Variants in SLC16A2 observed in about 807,000 individuals in gnomAD.
SLC16A2 encodes the protein monocarboxylate transporter 8.
Under a neutral mutation model 27.2 loss-of-function variants are expected in SLC16A2, and 3 were observed. The ratio of observed to expected loss-of-function variants is 0.11; its 90% CI spans 0.05 to 0.28. The LOEUF (loss-of-function observed/expected upper bound fraction) is 0.28. Among genes scored for constraint, SLC16A2 ranks in the 10% least tolerant of loss-of-function variants. The pLI is 1.00. For missense variants in SLC16A2, 295 were observed against 458.5 expected, an observed-to-expected ratio of 0.64 and a Z score of 3.26; for synonymous variants, 202 against 187.8, an observed-to-expected ratio of 1.08 and a Z score of -0.62.
chrX:74,439,751 G>A (rs1455392232), intron 1 of SLC16A2, among the ~76,000 whole-genome samples: 1 of 109,676 alleles, frequency 9.1e-6, no homozygotes, highest in African/African-American at 3.3e-5. Flanking sequence ...AGGTCCTGGG[G>A]TCATTAGAGC....
At chrX:74,431,229 G>A (rs1483216902) in intron 1 of SLC16A2, among the ~76,000 whole-genome samples, 1 of 112,579 alleles carries the variant, frequency 8.9e-6, no homozygotes, top group Non-Finnish European at 1.9e-5. Flanking sequence ...GCTCATTGAT[G>A]GTGGATCAGA....
chrX:74,461,232 T>C (rs1042951684), intron 1 of SLC16A2, among the ~76,000 whole-genome samples: 7 of 111,755 alleles, frequency 6.3e-5, no homozygotes, highest in African/African-American at 2.0e-4. Flanking sequence ...TGACAAACAG[T>C]GTCATATTGG....
chrX:74,469,385 A>G (rs746713181), intron 1 of SLC16A2, among the ~76,000 whole-genome samples: 2 of 111,805 alleles, frequency 1.8e-5, no homozygotes, highest in African/African-American at 6.5e-5. Context: ...GATGTTTAAT[A>G]TTTTAAGGAA....
intron 1 of SLC16A2, among the ~76,000 whole-genome samples, chrX:74,515,210 T>G (rs953557920): frequency 4.0e-4 from 44 of 108,921 alleles, no homozygotes; most frequent in African/African-American, 1.5e-3. Context: ...GATATAAAGA[T>G]GAAATAAATG....
At chrX:74,430,668 GGCT>G (rs1928520517) in intron 1 of SLC16A2, among the ~76,000 whole-genome samples, 1 of 112,324 alleles carries the variant, frequency 8.9e-6, no homozygotes, top group South Asian at 3.7e-4. Context: ...GTACTGGTAA[GGCT>G]GTATAGAAAA....
intron 1 of SLC16A2, among the ~76,000 whole-genome samples, chrX:74,478,200 G>A (rs1929528861): frequency 8.9e-6 from 1 of 112,019 alleles, no homozygotes; most frequent in Admixed American, 9.5e-5. Context: ...ATTTAGGATA[G>A]TTAGCTCTTC....
intron 1 of SLC16A2, among the ~76,000 whole-genome samples, chrX:74,482,491 G>A (rs1395949556): frequency 9.0e-6 from 1 of 111,217 alleles, no homozygotes; most frequent in African/African-American, 3.3e-5. Context: ...TCATCATTCT[G>A]TGTCCTCAAT....
intron 1 of SLC16A2, among the ~76,000 whole-genome samples, chrX:74,455,985 A>G (rs992636045): frequency 4.5e-5 from 5 of 112,242 alleles, no homozygotes; most frequent in African/African-American, 1.6e-4. Flanking sequence ...ACTGAAGAGA[A>G]GGAAGAAGCA....
chrX:74,501,548 C>A (rs1307001410), intron 1 of SLC16A2, among the ~76,000 whole-genome samples: 1 of 111,400 alleles, frequency 9.0e-6, no homozygotes, highest in African/African-American at 3.3e-5. Context: ...GCAGGTAGAG[C>A]ATGGAACAAG....
Position 74,525,673 on chromosome X carries a change from C to T in SLC16A2, c.1027-77C>T, listed in dbSNP as rs1930477032. ...CCAGGAAAGTAAGCAGTAGGGGATT[C>T]TGGATATGCCTACAGTTAACCAGTC... On this transcript the variant is annotated intron_variant, in intron 3 of 5. Transcript: ENST00000587091. 2.6e-6 allele frequency: 3 copies of T among 1,135,237 alleles called. No homozygotes were observed. The East Asian group carries it at 9.0e-5, about 34-fold the overall frequency. 93.6% of individuals were successfully genotyped at this position (1,135,237 alleles called of 1,213,427 possible).
intron 1 of SLC16A2, among the ~76,000 whole-genome samples, chrX:74,485,310 A>T (rs1348003835): frequency 3.6e-5 from 4 of 111,130 alleles, no homozygotes; most frequent in Non-Finnish European, 7.5e-5. Flanking sequence ...GTGTTGAGCT[A>T]CAGTAAGCTT....
chrX:74,466,248 G>A (rs1929248218), intron 1 of SLC16A2, among the ~76,000 whole-genome samples: 1 of 111,168 alleles, frequency 9.0e-6, no homozygotes, highest in Non-Finnish European at 1.9e-5. Context: ...AGCTATGAAA[G>A]CCAAACAGCT....
intron 3 of SLC16A2, among the ~76,000 whole-genome samples, chrX:74,525,231 T>TA (rs1159538477): frequency 1.8e-5 from 2 of 111,509 alleles, no homozygotes; most frequent in Admixed American, 1.9e-4. Flanking sequence ...TTAAAGGGAC[T>TA]AAAAAAAATT....
chrX:74,492,750 G>A (rs927301637), intron 1 of SLC16A2, among the ~76,000 whole-genome samples: 4 of 111,129 alleles, frequency 3.6e-5, no homozygotes, highest in African/African-American at 1.3e-4. Context: ...CACCCCCAAC[G>A]TCCAGCTAAG....
At chrX:74,518,072 A>T (rs1315521245) in intron 1 of SLC16A2, among the ~76,000 whole-genome samples, 1 of 112,184 alleles carries the variant, frequency 8.9e-6, no homozygotes, top group Non-Finnish European at 1.9e-5. Flanking sequence ...TGAAAAAAAA[A>T]GCTAGTGTAA....
chrX:74,445,594 A>G (rs1229747736), intron 1 of SLC16A2, among the ~76,000 whole-genome samples: 1 of 103,610 alleles, frequency 9.7e-6, no homozygotes, highest in Non-Finnish European at 2.0e-5. Flanking sequence ...ATAAACCACT[A>G]TATCTCTCCT....
intron 1 of SLC16A2, among the ~76,000 whole-genome samples, chrX:74,476,103 C>T (rs1421266547): frequency 9.0e-6 from 1 of 111,519 alleles, no homozygotes; most frequent in Non-Finnish European, 1.9e-5. Flanking sequence ...TTGATTCTTC[C>T]TACCCATGAG....
chrX:74,422,201 T>C, intron 1 of SLC16A2, 134 bp downstream of exon 1: 1 of 629,022 alleles, frequency 1.6e-6, no homozygotes, highest in Non-Finnish European at 2.5e-6. Context: ...CCCTTACCCC[T>C]TGCCCCTTGC....
chrX:74,493,287 T>C (rs933564623), intron 1 of SLC16A2, among the ~76,000 whole-genome samples: 2 of 110,858 alleles, frequency 1.8e-5, no homozygotes, highest in African/African-American at 6.6e-5. Flanking sequence ...GGGGTGGAGG[T>C]TGGGGAGCGT....
Sources: gnomAD v4.1 joint callset for allele counts (sites outside exome capture counted in the v4.1 genomes callset) on GRCh38, gnomAD v4.1.1 for gene constraint, MANE v1.5 for transcripts, NCBI Gene and HGNC (gene_info 2026-07-23, HGNC 2026-07-21) for gene names.